Variants in PFKFB3 observed in about 807,000 individuals in gnomAD.
PFKFB3 encodes 6-phosphofructo-2-kinase/fructose-2,6-bisphosphatase 3.
A neutral mutation model predicts 68.0 loss-of-function variants in PFKFB3; 33 were observed. The ratio of observed to expected loss-of-function variants is 0.49; its 90% CI spans 0.37 to 0.65. The LOEUF (loss-of-function observed/expected upper bound fraction) is 0.65. PFKFB3 is among the 30% of genes least tolerant of loss of function. PFKFB3 has a pLI of 0.00. For synonymous variants in PFKFB3, 315 were observed against 288.2 expected, an observed-to-expected ratio of 1.09 and a Z score of -0.94; for missense variants, 586 against 712.2, an observed-to-expected ratio of 0.82 and a Z score of 2.02.
At chr10:6,260,885 A>G in the PFKFB3 span, among the ~76,000 whole-genome samples, 1 of 152,168 alleles carries the variant, frequency 6.6e-6, no homozygotes, top group Non-Finnish European at 1.5e-5. Context: ...ATTTCATTGG[A>G]TATGTAAATG....
the PFKFB3 span, among the ~76,000 whole-genome samples, chr10:6,313,559 G>A: frequency 2.6e-5 from 4 of 152,246 alleles, no homozygotes; most frequent in Non-Finnish European, 4.4e-5. This position sits in a 1 kb window ranked among gnomAD's most constrained non-coding sequence, Gnocchi z 4.2. Flanking sequence ...AGACTCTTCC[G>A]ATTCCATCTC....
chr10:6,191,582 C>G (rs1843023642), intron 1 of PFKFB3, among the ~76,000 whole-genome samples: 1 of 152,210 alleles, frequency 6.6e-6, no homozygotes, highest in Non-Finnish European at 1.5e-5. Context: ...CTCGGGCCCC[C>G]CCTAGAATCA....
chr10:6,295,486 A>G, the PFKFB3 span, among the ~76,000 whole-genome samples: 1 of 151,774 alleles, frequency 6.6e-6, no homozygotes, highest in African/African-American at 2.4e-5. Flanking sequence ...TTGACCTCCC[A>G]AAGTGCTGGG....
the PFKFB3 span, among the ~76,000 whole-genome samples, chr10:6,283,214 C>T: frequency 1.8e-4 from 28 of 152,286 alleles, no homozygotes; most frequent in South Asian, 4.1e-4. Flanking sequence ...GTGATCCACC[C>T]GCCTCGGCCT....
rs1845849123 is a variant in PFKFB3, at chr10:6,233,169, C to T, written c.*227C>T. ...TGGCGCCCTGCCTTTAGCCGTGGGG[C>T]CCCCACCTCCACTCTCTGGGTTTCC... is the stretch of plus-strand genomic sequence containing the variant. On this transcript the variant is annotated 3_prime_UTR_variant, in exon 15 of 15. Transcript: ENST00000379775. 3.7e-6 allele frequency: 2 copies of T among 538,590 alleles called. No individual in the cohort carries two copies. The highest frequency in any genetic ancestry group is 6.6e-6 in the Non-Finnish European group (2 of 300,826). The allele number at this position is 538,590 out of a possible 1,614,324, so 33.4% of individuals were successfully genotyped here. A position where few individuals can be genotyped will look rare whatever the true frequency, so the allele number is the denominator to read the frequency against.
At chr10:6,253,533 G>A (rs1846427024) in intron 14 of PFKFB3, among the ~76,000 whole-genome samples, 1 of 152,158 alleles carries the variant, frequency 6.6e-6, no homozygotes, top group South Asian at 2.1e-4. Context: ...TTTGTCCCAG[G>A]CCAGGGTGCC....
intron 1 of PFKFB3, among the ~76,000 whole-genome samples, chr10:6,151,930 G>C (rs1276384445): frequency 1.3e-5 from 2 of 150,900 alleles, no homozygotes; most frequent in Non-Finnish European, 2.9e-5. Context: ...CCGCCCTCCT[G>C]CAGCTCCTGT....
the PFKFB3 span, among the ~76,000 whole-genome samples, chr10:6,261,053 TACC>T: frequency 6.6e-6 from 1 of 152,268 alleles, no homozygotes; most frequent in East Asian, 1.9e-4. Flanking sequence ...CATCACTTGG[TACC>T]ACCAGTCTTT....
intron 1 of PFKFB3, among the ~76,000 whole-genome samples, chr10:6,189,210 C>T (rs188240492): frequency 2.0e-5 from 3 of 152,238 alleles, no homozygotes; most frequent in South Asian, 4.1e-4. Flanking sequence ...TTCCATCTGT[C>T]GATGGACACT....
intron 1 of PFKFB3, among the ~76,000 whole-genome samples, chr10:6,194,517 C>T (rs906061153): frequency 1.3e-5 from 2 of 152,326 alleles, no homozygotes; most frequent in Admixed American, 6.5e-5. Context: ...GAGGGGGATG[C>T]AGGCTTAACC....
At chr10:6,307,008 C>T in the PFKFB3 span, among the ~76,000 whole-genome samples, 2 of 152,150 alleles carry the variant, frequency 1.3e-5, no homozygotes, top group Non-Finnish European at 2.9e-5. Context: ...TTGAGTAAAG[C>T]AGGCCACCCT....
chr10:6,178,477 C>A (rs921242397), intron 1 of PFKFB3, among the ~76,000 whole-genome samples: 3 of 152,176 alleles, frequency 2.0e-5, no homozygotes, highest in African/African-American at 7.2e-5. Flanking sequence ...CAGGCGGGAG[C>A]TTTGGGGCCA....
intron 1 of PFKFB3, among the ~76,000 whole-genome samples, chr10:6,164,276 C>T (rs1842061533): frequency 6.6e-6 from 1 of 152,194 alleles, no homozygotes. Context: ...GGGACACAGA[C>T]TCCCTGAGGA....
the PFKFB3 span, among the ~76,000 whole-genome samples, chr10:6,261,182 C>T: frequency 6.6e-6 from 1 of 152,154 alleles, no homozygotes; most frequent in Non-Finnish European, 1.5e-5. Flanking sequence ...CATTTGGATA[C>T]CATCTTTTGT....
chr10:6,225,161 G>T (rs756617766), intron 13 of PFKFB3: 2 of 456,322 alleles, frequency 4.4e-6, no homozygotes, highest in South Asian at 3.1e-5. Context: ...CCGTGTACAG[G>T]CTGCCAAAAG....
chr10:6,280,195 C>G, the PFKFB3 span, among the ~76,000 whole-genome samples: 1 of 152,368 alleles, frequency 6.6e-6, no homozygotes, highest in South Asian at 2.1e-4. Context: ...TCACGTCTAC[C>G]AGGCAGAAGG....
At chr10:6,306,783 T>G in the PFKFB3 span, among the ~76,000 whole-genome samples, 1 of 152,190 alleles carries the variant, frequency 6.6e-6, no homozygotes, top group Non-Finnish European at 1.5e-5. Context: ...AACACACTCA[T>G]GTCTCTTTCA....
chr10:6,204,545 G>A (rs1305797308), intron 1 of PFKFB3, among the ~76,000 whole-genome samples: 1 of 152,236 alleles, frequency 6.6e-6, no homozygotes, highest in African/African-American at 2.4e-5. Flanking sequence ...GCCCTGGGTG[G>A]GGACGTCAGC....
chr10:6,189,121 G>C (rs1022279359), intron 1 of PFKFB3, among the ~76,000 whole-genome samples: 8 of 152,158 alleles, frequency 5.3e-5, no homozygotes, highest in Admixed American at 1.3e-4. Context: ...TTACAGGCGT[G>C]AGCCACCGCA....
Sources: allele counts gnomAD v4.1 joint callset (sites outside exome capture counted in the v4.1 genomes callset), GRCh38; gene constraint gnomAD v4.1.1; non-coding constraint Gnocchi (gnomAD v3.1); transcripts MANE v1.5; gene names NCBI Gene and HGNC (gene_info 2026-07-23, HGNC 2026-07-21).